TMEM254: variants seen among roughly 807,000 people sequenced by gnomAD.
The protein encoded by TMEM254 is transmembrane protein C10orf57.
In TMEM254, 16 loss-of-function variants were observed where a neutral mutation model predicts 13.9. That is an observed-to-expected ratio of 1.15 (90% CI 0.78 to 1.75). The LOEUF (loss-of-function observed/expected upper bound fraction) is 1.75, where lower values mean the gene tolerates loss of function less well. Among genes scored for constraint, TMEM254 ranks in the 40% most tolerant of loss-of-function variants. The probability of loss-of-function intolerance (pLI) is 0.00; values close to 1 mark genes in which losing one functional copy is unlikely to be tolerated. For missense variants in TMEM254, 155 were observed against 149.0 expected (o/e 1.04, Z -0.21); for synonymous variants, 61 against 56.4 (o/e 1.08, Z -0.36).
chr10:80,079,344 T>A (rs1843840737), intron 1 of TMEM254: 1 of 1,184,760 alleles, frequency 8.4e-7, no homozygotes, highest in African/African-American at 1.6e-5. Flanking sequence ...GGATAGTTTC[T>A]GCTTTCTAGT....
At position 80,078,716 on chromosome 10, in the gene TMEM254, G is replaced by T; in HGVS notation, c.17G>T (p.Gly6Val). 1 of 1,604,322 alleles carries T rather than the reference G, an allele frequency of 6.2e-7. No individual in the cohort carries two copies. Residue 6 changes from glycine (G) to valine (V), a missense_variant, in exon 1 of 4, where the codon GGC becomes GTC. Coordinates refer to ENST00000372281, the MANE Select transcript of TMEM254 (RefSeq NM_025125.4). ...GTTGCAGCCATGGCTACGGCAGCCG[G>T]CGCGACCTACTTTCAGCGAGGCAGT... MATAA[G>V]ATYFQRGSLF...
chr10:80,081,673 AAAGAAAG>A, intron 1 of TMEM254, 161 bp from the exon 2 acceptor site: 1 of 1,447,744 alleles, frequency 6.9e-7, no homozygotes, highest in Non-Finnish European at 9.4e-7. Flanking sequence ...GTCAAAAAAA[AAAGAAAG>A]AAAGAAAATA....
chr10:80,088,652 G>A (rs569192430), intron 3 of TMEM254, among the ~76,000 whole-genome samples: 2 of 150,630 alleles, frequency 1.3e-5, no homozygotes, highest in Non-Finnish European at 1.5e-5. Context: ...AAGATGGAGG[G>A]TCTCCAGGAG....
At chr10:80,082,359 A>G in intron 3 of TMEM254, 155 bp downstream of exon 3, 1 of 764,544 alleles carries the variant, frequency 1.3e-6, no homozygotes, top group Non-Finnish European at 2.1e-6. Context: ...GAGCAGAGGC[A>G]GTACCCAGTA....
At chr10:80,083,137 T>G (rs1844132993) in intron 3 of TMEM254, among the ~76,000 whole-genome samples, 1 of 148,330 alleles carries the variant, frequency 6.7e-6, no homozygotes, top group Non-Finnish European at 1.5e-5. Context: ...GAGGGAATCT[T>G]GCTTTGTCAC....
At chr10:80,079,784 C>T in intron 1 of TMEM254, 1 of 750,906 alleles carries the variant, frequency 1.3e-6, no homozygotes, top group Non-Finnish European at 1.6e-6. Flanking sequence ...GCGATCTCGG[C>T]TCACTGCAAC....
At chr10:80,083,646 C>T (rs1844164836) in intron 3 of TMEM254, among the ~76,000 whole-genome samples, 1 of 152,194 alleles carries the variant, frequency 6.6e-6, no homozygotes, top group African/African-American at 2.4e-5. Context: ...AGCTGGGGCT[C>T]AGGAGCCTGC....
Position 80,078,668 on chromosome 10 carries a change from C to T in TMEM254, c.-32C>T. 1 of 1,567,818 alleles carries T rather than the reference C, an allele frequency of 6.4e-7. No individual in the cohort carries two copies. The highest frequency in any genetic ancestry group is 1.2e-5 in the South Asian group (1 of 86,548). On this transcript the variant is annotated 5_prime_UTR_variant, in exon 1 of 4. Transcript: ENST00000372281. ...CTCCGCGCTCGCGCTCGACGGTGTC[C>T]TGAAGCGCGCTCCCGGGGAGGTGTT... is the stretch of plus-strand genomic sequence containing the variant.
rs866045081 is a variant in TMEM254, at chr10:80,086,413, A to T, written c.251+4209A>T. ...TGGCAACTCATCTTTATTTTTCTTT[A>T]CTAAATATCATACACATTTACAGGA... On this transcript the variant is annotated intron_variant, in intron 3 of 3. Transcript: ENST00000372281. 16 of 410,584 alleles carry T rather than the reference A, an allele frequency of 3.9e-5. No individual in the cohort carries two copies. In the Middle Eastern group the frequency reaches 2.0e-3, roughly 50 times the overall value. The allele number at this position is 410,584 out of a possible 1,614,324, so 25.4% of individuals were successfully genotyped here. A position where few individuals can be genotyped will look rare whatever the true frequency, so the allele number is the denominator to read the frequency against.
At chr10:80,090,425 A>G (rs1844524789) in intron 3 of TMEM254, 1 of 717,598 alleles carries the variant, frequency 1.4e-6, no homozygotes, top group South Asian at 1.5e-5. Flanking sequence ...TGCCCAGGTC[A>G]CAGCTGGTAG....
chr10:80,079,660 G>A, intron 1 of TMEM254: 1 of 986,432 alleles, frequency 1.0e-6, no homozygotes, highest in Non-Finnish European at 1.2e-6. Context: ...GAAATAATCT[G>A]TTTAAAGGAT....
At chr10:80,079,256 T>C (rs1184126131) in intron 1 of TMEM254, 3 of 1,235,758 alleles carry the variant, frequency 2.4e-6, no homozygotes, top group East Asian at 1.2e-4. Flanking sequence ...AGGGGAGCTC[T>C]GGGAACGGGG....
At chr10:80,084,966 C>T (rs1355812338) in intron 3 of TMEM254, among the ~76,000 whole-genome samples, 1 of 152,052 alleles carries the variant, frequency 6.6e-6, no homozygotes, top group Non-Finnish European at 1.5e-5. Flanking sequence ...GCTGAGATTA[C>T]AGGCGCCCGC....
intron 3 of TMEM254, among the ~76,000 whole-genome samples, chr10:80,083,358 C>T (rs1483212447): frequency 1.3e-5 from 2 of 152,108 alleles, no homozygotes; most frequent in Non-Finnish European, 1.5e-5. Context: ...CGCCTGCCTT[C>T]GCCTCCCAAA....
chr10:80,079,280 G>T, intron 1 of TMEM254: 1 of 1,213,772 alleles, frequency 8.2e-7, no homozygotes, highest in South Asian at 1.5e-5. Flanking sequence ...GTGCGCACGC[G>T]CATCTGACGG....
chr10:80,083,923 A>T (rs968901569), intron 3 of TMEM254, among the ~76,000 whole-genome samples: 4 of 151,994 alleles, frequency 2.6e-5, no homozygotes, highest in African/African-American at 7.3e-5. Context: ...CTAAAAATAC[A>T]AAAAATACTA....
In TMEM254 at chr10:80,081,908, A is replaced by G. The variant is rs769987858; in HGVS notation, c.155A>G (p.Tyr52Cys). ...NLGPLGPFTQYLVDHHHTLLC... is the reference protein window; with the variant it reads ...NLGPLGPFTQCLVDHHHTLLC... Reference sequence around the variant, plus strand: ...GGGCCCCTGGGCCCCTTCACTCAGTACTTGGTGGACCACCATCACACCCTC... The same window carrying G: ...GGGCCCCTGGGCCCCTTCACTCAGTGCTTGGTGGACCACCATCACACCCTC... The change falls in exon 2 of 4, where the codon TAC (tyrosine) becomes TGC (cysteine). Residue 52 changes from tyrosine (Y) to cysteine (C), a missense_variant. Transcript: ENST00000372281. The G allele has an allele frequency of 3.1e-6, 5 of 1,614,196 alleles. No homozygotes were observed. The highest frequency in any genetic ancestry group is 4.2e-6 in the Non-Finnish European group (5 of 1,180,042).
chr10:80,081,675 A>AG, intron 1 of TMEM254, 166 bp from the exon 2 acceptor site: 1 of 1,431,222 alleles, frequency 7.0e-7, no homozygotes, highest in Non-Finnish European at 9.6e-7. Flanking sequence ...CAAAAAAAAA[A>AG]GAAAGAAAGA....
At chr10:80,079,354 T>C in intron 1 of TMEM254, 2 of 1,179,240 alleles carry the variant, frequency 1.7e-6, no homozygotes, top group South Asian at 1.6e-5. Context: ...TGCTTTCTAG[T>C]GTTCCTGTCT....
Sources: allele counts gnomAD v4.1 joint callset (sites outside exome capture counted in the v4.1 genomes callset), GRCh38; gene constraint gnomAD v4.1.1; transcripts MANE v1.5; gene names NCBI Gene and HGNC (gene_info 2026-07-23, HGNC 2026-07-21).